The following CAMSAP1 variants were observed in gnomAD, a reference collection of about 807,000 sequenced individuals.
CAMSAP1 encodes calmodulin regulated spectrin associated protein 1.
In CAMSAP1, 58 loss-of-function variants were observed where a neutral mutation model predicts 143.5. The ratio of observed to expected loss-of-function variants is 0.40; its 90% CI spans 0.33 to 0.50. The LOEUF is 0.50. CAMSAP1 is among the 20% of genes least tolerant of loss of function. The pLI, the probability that CAMSAP1 is intolerant of heterozygous loss-of-function variation, is 0.45. For missense variants in CAMSAP1, 1,969 were observed against 2,115.7 expected (o/e 0.93, Z 1.36); for synonymous variants, 945 against 859.3 (o/e 1.10, Z -1.74).
At chr9:135,889,012 G>A (rs941032190) in intron 1 of CAMSAP1, among the ~76,000 whole-genome samples, 1 of 152,214 alleles carries the variant, frequency 6.6e-6, no homozygotes, top group East Asian at 1.9e-4. Context: ...GAGACCCTCG[G>A]GAACCCTCAG....
intron 7 of CAMSAP1, among the ~76,000 whole-genome samples, chr9:135,844,220 A>G (rs1452899104): frequency 6.6e-6 from 1 of 152,208 alleles, no homozygotes; most frequent in African/African-American, 2.4e-5. Context: ...TCCTCAGCAA[A>G]TGCCAAAGAA....
intron 5 of CAMSAP1, 129 bp from the exon 6 acceptor site, chr9:135,850,590 G>T: frequency 1.4e-6 from 1 of 709,688 alleles, no homozygotes; most frequent in Non-Finnish European, 2.2e-6. Flanking sequence ...AGAGATGTAG[G>T]GAGTATAGGA....
At chr9:135,884,646 G>A (rs755641079) in intron 1 of CAMSAP1, among the ~76,000 whole-genome samples, 2 of 152,140 alleles carry the variant, frequency 1.3e-5, no homozygotes, top group African/African-American at 2.4e-5. Flanking sequence ...TGACCACATC[G>A]AGTAGCCCCC....
chr9:135,845,997 A>C (rs184556680), intron 7 of CAMSAP1, among the ~76,000 whole-genome samples: 146 of 149,814 alleles, frequency 9.7e-4, no homozygotes, highest in African/African-American at 3.2e-3. Context: ...GACTTTCTTC[A>C]CAGAATTTTA....
chr9:135,840,035 C>A (rs1836281984), intron 7 of CAMSAP1, among the ~76,000 whole-genome samples: 1 of 152,202 alleles, frequency 6.6e-6, no homozygotes, highest in South Asian at 2.1e-4. Flanking sequence ...CCTAATATGG[C>A]ACCGTCCTGG....
chr9:135,827,153 G>A (rs912545248), intron 8 of CAMSAP1, among the ~76,000 whole-genome samples: 2 of 152,114 alleles, frequency 1.3e-5, no homozygotes, highest in African/African-American at 4.8e-5. Flanking sequence ...GTGGAAAAGA[G>A]AACAGAAAAA....
At chr9:135,838,639 G>T (rs13297100) in intron 7 of CAMSAP1, among the ~76,000 whole-genome samples, 1 of 114,124 alleles carries the variant, frequency 8.8e-6, no homozygotes, top group Non-Finnish European at 1.8e-5. Context: ...CTTTCCACCC[G>T]TTCTACAGAC....
At chr9:135,835,310 C>T (rs1835986593) in intron 7 of CAMSAP1, among the ~76,000 whole-genome samples, 1 of 152,124 alleles carries the variant, frequency 6.6e-6, no homozygotes, top group African/African-American at 2.4e-5. Flanking sequence ...ACCAGGCAGC[C>T]CCGTGGTCGC....
intron 3 of CAMSAP1, among the ~76,000 whole-genome samples, chr9:135,868,229 T>C (rs1457992769): frequency 6.6e-6 from 1 of 151,148 alleles, no homozygotes; most frequent in African/African-American, 2.4e-5. Flanking sequence ...AGATGGAAAA[T>C]ATTTTATTAA....
Position 135,810,926 on chromosome 9 carries a change from A to C in CAMSAP1, c.*383T>G. On this transcript the variant is annotated 3_prime_UTR_variant, in exon 17 of 17. Transcript: ENST00000389532. ...GTGCAAGGGGGCGAGGTGAGAAGCA[A>C]GAAAGCAAAGTGGATCACGTCTAAT... The C allele has an allele frequency of 4.4e-6, 1 of 229,378 alleles. No homozygotes were observed. Among genetic ancestry groups the C allele is most frequent in the Non-Finnish European group, 8.6e-6 (1 of 115,838 alleles). The allele number at this position is 229,378 out of a possible 1,614,324, so 14.2% of individuals were successfully genotyped here.
At position 135,816,043 on chromosome 9, in the gene CAMSAP1, C is replaced by T. The variant is rs753836022; in HGVS notation, c.4272-38G>A. On this transcript the variant is annotated intron_variant, in intron 14 of 16. Transcript: ENST00000389532. ...ACAGACAAGAGACAGGCAGGTGAAG[C>T]GCTGGCTTCCTCTCACCACTGCTGG... 8.2e-6 allele frequency: 13 copies of T among 1,588,306 alleles called. No individual in the cohort carries two copies. In the Admixed American group the frequency reaches 1.0e-4, roughly 12 times the overall value.
At chr9:135,865,504 T>G (rs1837343385) in intron 4 of CAMSAP1, 1 of 725,628 alleles carries the variant, frequency 1.4e-6, no homozygotes, top group Non-Finnish European at 2.3e-6. Context: ...GTCTTCTAAG[T>G]GTACGTGGCC....
At chr9:135,833,210 T>A (rs1258975787) in intron 7 of CAMSAP1, among the ~76,000 whole-genome samples, 1 of 151,248 alleles carries the variant, frequency 6.6e-6, no homozygotes, top group Non-Finnish European at 1.5e-5. Flanking sequence ...GCCTCCCAAG[T>A]AGCTGGGACT....
At chr9:135,854,530 A>G (rs1836886434) in intron 5 of CAMSAP1, among the ~76,000 whole-genome samples, 1 of 151,244 alleles carries the variant, frequency 6.6e-6, no homozygotes, top group South Asian at 2.1e-4. Flanking sequence ...TGGCACAATC[A>G]CAGCTCATTG....
At chr9:135,892,683 T>C (rs886876766) in intron 1 of CAMSAP1, among the ~76,000 whole-genome samples, 3 of 151,402 alleles carry the variant, frequency 2.0e-5, no homozygotes, top group Admixed American at 6.6e-5. Flanking sequence ...AAACCCCGTC[T>C]CTACTAAAAA....
chr9:135,853,585 C>A (rs1456312771), intron 5 of CAMSAP1, among the ~76,000 whole-genome samples: 1 of 152,226 alleles, frequency 6.6e-6, no homozygotes, highest in Non-Finnish European at 1.5e-5. Context: ...AGTCTTCTCC[C>A]AAGAGAAATA....
At chr9:135,867,545 C>T (rs1164616335) in intron 3 of CAMSAP1, among the ~76,000 whole-genome samples, 1 of 149,122 alleles carries the variant, frequency 6.7e-6, no homozygotes, top group Admixed American at 6.7e-5. Flanking sequence ...CAATACATAA[C>T]ATGAAACAGT....
At chr9:135,851,779 G>A (rs1173350407) in intron 5 of CAMSAP1, among the ~76,000 whole-genome samples, 1 of 152,208 alleles carries the variant, frequency 6.6e-6, no homozygotes, top group East Asian at 1.9e-4. Context: ...CACTCATCTT[G>A]ACCGCTATAT....
At chr9:135,900,823 C>T (rs575104964) in intron 1 of CAMSAP1, among the ~76,000 whole-genome samples, 5 of 151,874 alleles carry the variant, frequency 3.3e-5, no homozygotes, top group Non-Finnish European at 5.9e-5. Flanking sequence ...GGCGTAGTCT[C>T]GGCTCACCGC....
Sources: gnomAD v4.1 joint callset for allele counts (sites outside exome capture counted in the v4.1 genomes callset) on GRCh38, gnomAD v4.1.1 for gene constraint, MANE v1.5 for transcripts, NCBI Gene and HGNC (gene_info 2026-07-23, HGNC 2026-07-21) for gene names.